ADGRG4: variants seen among roughly 807,000 people sequenced by gnomAD.
ADGRG4 encodes the protein G protein-coupled receptor 112.
In ADGRG4, 122 loss-of-function variants were observed where a neutral mutation model predicts 126.2. The ratio of observed to expected loss-of-function variants is 0.97; its 90% CI spans 0.83 to 1.12. ADGRG4 has a LOEUF of 1.12. Ranked by LOEUF, ADGRG4 falls within the 50% of genes most tolerant of loss-of-function variation. The probability of loss-of-function intolerance (pLI) is 0.00; values close to 1 mark genes in which losing one functional copy is unlikely to be tolerated. For missense variants in ADGRG4, 2,481 were observed against 2,251.8 expected, an observed-to-expected ratio of 1.10 and a Z score of -2.06; for synonymous variants, 943 against 838.7, an observed-to-expected ratio of 1.12 and a Z score of -2.15.
At chrX:136,350,685 G>C (rs761207967) in intron 6 of ADGRG4, among the ~76,000 whole-genome samples, 1 of 111,529 alleles carries the variant, frequency 9.0e-6, no homozygotes, top group East Asian at 2.8e-4. Context: ...CAATTTCTAA[G>C]CCTACTTTCC....
intron 23 of ADGRG4, among the ~76,000 whole-genome samples, chrX:136,410,988 A>C (rs1186513131): frequency 8.9e-6 from 1 of 112,080 alleles, no homozygotes; most frequent in African/African-American, 3.2e-5. Flanking sequence ...GGCTATTGAC[A>C]GGAGTTATTT....
Position 136,346,184 on chromosome X carries a change from A to G in ADGRG4, c.2478A>G (p.Val826=). The change falls in exon 6 of 26, where the codon GTA becomes GTG. Residue 826 remains valine (V), a synonymous_variant. Coordinates refer to ENST00000394143, the MANE Select transcript of ADGRG4 (RefSeq NM_153834.4). ...TATTTGGAGGTACAACGACCCCTGT[A>G]CCAAAGTCAGCAACAACACAAAGAT... The part of the protein sequence containing the change: ...AIVFGGTTTP[V]PKSATTQRLN... 1 of 1,209,325 alleles carries G rather than the reference A, an allele frequency of 8.3e-7. No homozygotes were observed.
chrX:136,357,627 G>A, intron 9 of ADGRG4, 77 bp from the exon 10 acceptor site: 1 of 680,586 alleles, frequency 1.5e-6, no homozygotes, highest in South Asian at 2.6e-5. Flanking sequence ...TATAATTGTT[G>A]TTAACAATAA....
intron 15 of ADGRG4, among the ~76,000 whole-genome samples, chrX:136,387,061 C>T (rs895113893): frequency 1.8e-5 from 2 of 111,845 alleles, no homozygotes; most frequent in Non-Finnish European, 3.8e-5. Context: ...ATTGAACTCA[C>T]AGCCTCAAGC....
chrX:136,323,577 A>AACACACACACACACACACAC (rs138686053), intron 5 of ADGRG4, among the ~76,000 whole-genome samples, 185 bp downstream of exon 5: 3 of 94,013 alleles, frequency 3.2e-5, no homozygotes, highest in African/African-American at 1.2e-4. Flanking sequence ...AGGATAGAAG[A>AACACACACACACACACACAC]ACACACACAC....
chrX:136,347,063 T>C lies in ADGRG4; in HGVS notation c.3357T>C (p.Pro1119=). ...TPFHSLRLST[P]VTAKAETTLF... is the part of the protein sequence containing the mutation. ...TTCATTCACTGAGACTCTCCACTCC[T>C]GTGACAGCTAAGGCTGAGACCACCC... The change falls in exon 6 of 26, where the codon CCT becomes CCC. Residue 1119 remains proline (P), a synonymous_variant. Coordinates refer to ENST00000394143, the MANE Select transcript of ADGRG4 (RefSeq NM_153834.4). 1 of 1,210,942 alleles carries C rather than the reference T, an allele frequency of 8.3e-7. No individual in the cohort carries two copies. Among genetic ancestry groups the C allele is most frequent in the South Asian group, 1.8e-5 (1 of 56,949 alleles).
intron 18 of ADGRG4, among the ~76,000 whole-genome samples, chrX:136,394,881 A>G (rs1490993639): frequency 1.8e-5 from 2 of 111,798 alleles, no homozygotes; most frequent in Non-Finnish European, 3.8e-5. Flanking sequence ...CTCAGAAGAA[A>G]CTAGCCAGAT....
chrX:136,337,404 G>A (rs942028939), intron 5 of ADGRG4, among the ~76,000 whole-genome samples: 4 of 111,882 alleles, frequency 3.6e-5, no homozygotes, highest in African/African-American at 6.5e-5. Context: ...TCCTTTGCTC[G>A]TTTTTTCTTT....
chrX:136,305,847 G>A (rs919426581), intron 3 of ADGRG4, among the ~76,000 whole-genome samples: 15 of 111,772 alleles, frequency 1.3e-4, no homozygotes, highest in Non-Finnish European at 2.4e-4. Context: ...GTGAAAACTG[G>A]GAAAGAGCCC....
chrX:136,327,329 A>G (rs1408593703), intron 5 of ADGRG4, among the ~76,000 whole-genome samples: 1 of 110,869 alleles, frequency 9.0e-6, no homozygotes, highest in Admixed American at 9.7e-5. Flanking sequence ...TGACGGGTTG[A>G]TGGGTGTAGC....
intron 1 of ADGRG4, among the ~76,000 whole-genome samples, chrX:136,303,047 G>T (rs2074712131): frequency 8.9e-6 from 1 of 111,931 alleles, no homozygotes; most frequent in African/African-American, 3.2e-5. Flanking sequence ...TGAGCCTGGT[G>T]CAGTGGCTCA....
intron 18 of ADGRG4, among the ~76,000 whole-genome samples, chrX:136,395,137 C>T (rs1404230274): frequency 9.0e-6 from 1 of 110,808 alleles, no homozygotes; most frequent in Non-Finnish European, 1.9e-5. Context: ...TAGAGTCTGT[C>T]CTAATTTGTA....
At chrX:136,353,538 G>T (rs1488859450) in intron 8 of ADGRG4, 137 bp downstream of exon 8, 10 of 466,313 alleles carry the variant, frequency 2.1e-5, no homozygotes, top group Non-Finnish European at 3.4e-5. Flanking sequence ...TCCTTCCTGA[G>T]TAGGTTCTTT....
intron 8 of ADGRG4, among the ~76,000 whole-genome samples, chrX:136,355,908 G>A (rs756075168): frequency 1.8e-5 from 2 of 111,567 alleles, no homozygotes; most frequent in Non-Finnish European, 3.8e-5. Context: ...TAGATTCCAG[G>A]ATGCAAGGTT....
chrX:136,388,789 C>A (rs1175465994), intron 16 of ADGRG4, among the ~76,000 whole-genome samples: 1 of 111,758 alleles, frequency 8.9e-6, no homozygotes, highest in African/African-American at 3.3e-5. Flanking sequence ...TCATCTACTT[C>A]TCATGAGAAG....
chrX:136,399,787 GAT>G (rs2075370014), intron 20 of ADGRG4, 59 bp from the exon 21 acceptor site: 1 of 951,387 alleles, frequency 1.1e-6, no homozygotes, highest in Non-Finnish European at 1.5e-6. Context: ...AAGATGTGGC[GAT>G]GTTTAATTAA....
chrX:136,392,241 G>A lies in ADGRG4; in HGVS notation c.7921G>A (p.Val2641Ile), dbSNP rs759045380. Residue 2641 changes from valine (V) to isoleucine (I), a missense_variant, in exon 17 of 26, where the codon GTC becomes ATC. Physicochemically the swap from Val to Ile is conservative, Grantham distance 29. Transcript: ENST00000394143. ...GQTSLFKTKN[V>I]TKALTTYVVS... ...TTTGTTTCATCTGCAGACCAAAAAT[G>A]TCACTAAAGCATTAACCACCTATGT... 16 of 1,156,723 alleles carry A rather than the reference G, an allele frequency of 1.4e-5. No homozygotes were observed. Among genetic ancestry groups the A allele is most frequent in the African/African-American group, 5.5e-5 (3 of 54,599 alleles).
At chrX:136,406,373 A>G (rs997356183) in intron 23 of ADGRG4, among the ~76,000 whole-genome samples, 4 of 112,194 alleles carry the variant, frequency 3.6e-5, no homozygotes, top group African/African-American at 1.3e-4. Flanking sequence ...ATTTTGGGAA[A>G]GAGCCAGGCT....
chrX:136,322,718 A>G, intron 4 of ADGRG4, 60 bp from the exon 5 acceptor site: 1 of 1,078,383 alleles, frequency 9.3e-7, no homozygotes, highest in Non-Finnish European at 1.2e-6. Context: ...AAATACAATA[A>G]AACAATTTTT....
Sources: allele counts gnomAD v4.1 joint callset (sites outside exome capture counted in the v4.1 genomes callset), GRCh38; gene constraint gnomAD v4.1.1; transcripts MANE v1.5; gene names NCBI Gene and HGNC (gene_info 2026-07-23, HGNC 2026-07-21).